CDH18: variants seen among roughly 807,000 people sequenced by gnomAD.
CDH18 encodes cadherin 18, also known as cadherin-18.
Under a neutral mutation model 67.9 loss-of-function variants are expected in CDH18, and 31 were observed. The observed-to-expected ratio is 0.46, with a 90% CI of 0.34 to 0.62. The LOEUF is 0.62. CDH18 is among the 20% of genes least tolerant of loss of function. The pLI is 0.01. For synonymous variants in CDH18, 362 were observed against 347.2 expected, an observed-to-expected ratio of 1.04 and a Z score of -0.48; for missense variants, 890 against 975.5, an observed-to-expected ratio of 0.91 and a Z score of 1.17.
intron 2 of CDH18, among the ~76,000 whole-genome samples, chr5:20,067,752 G>A (rs1287524271): frequency 3.9e-5 from 6 of 151,992 alleles, no homozygotes; most frequent in Non-Finnish European, 8.8e-5. Flanking sequence ...GCTCACTAAC[G>A]ATGAACATTC....
chr5:19,602,595 T>C (rs955441796), intron 6 of CDH18, among the ~76,000 whole-genome samples: 6 of 151,794 alleles, frequency 4.0e-5, no homozygotes, highest in Non-Finnish European at 7.4e-5. Flanking sequence ...GTGGAGAAAT[T>C]AGAACTCTTG....
chr5:20,259,771 T>C (rs184889593), intron 1 of CDH18, among the ~76,000 whole-genome samples: 1 of 152,212 alleles, frequency 6.6e-6, no homozygotes, highest in East Asian at 1.9e-4. Flanking sequence ...AGCCCCTGTG[T>C]TGTTCAAGAG....
chr5:20,513,713 TA>T (rs1308681857), intron 1 of CDH18, among the ~76,000 whole-genome samples: 1 of 152,162 alleles, frequency 6.6e-6, no homozygotes. Flanking sequence ...AATGTCAAAA[TA>T]AACATTCATT....
intron 6 of CDH18, among the ~76,000 whole-genome samples, chr5:19,604,995 G>A (rs1040981936): frequency 1.3e-5 from 2 of 151,808 alleles, no homozygotes; most frequent in African/African-American, 4.8e-5. Flanking sequence ...TTGAAGGTGT[G>A]CAAATTGATT....
Position 19,624,018 on chromosome 5 carries a change from T to TATC in CDH18, c.644-11418_644-11417insGAT, listed in dbSNP as rs998373414. Among the ~76,000 whole-genome samples the TATC allele has an allele frequency of 1.6e-4, 23 of 148,356 alleles. No homozygotes were observed. The East Asian group carries it at 3.3e-3, about 21-fold the overall frequency. ...TTATTATTATTATTATTATTATTAT[T>TATC]ATTATTGAGATGGAGTTTCACTCTT... On this transcript the variant is annotated intron_variant, in intron 5 of 12. Transcript: ENST00000382275.
chr5:20,566,526 A>ATTTTTTTT (rs33950954), intron 1 of CDH18, among the ~76,000 whole-genome samples: 455 of 96,988 alleles, frequency 4.7e-3, no homozygotes, highest in Non-Finnish European at 5.8e-3. Context: ...TGCCCAGCTA[A>ATTTTTTTT]TTTTTTTTTT....
intron 2 of CDH18, among the ~76,000 whole-genome samples, chr5:19,893,668 G>A (rs1034025269): frequency 6.6e-6 from 1 of 152,054 alleles, no homozygotes; most frequent in Non-Finnish European, 1.5e-5. Context: ...AACTGTAGGG[G>A]AACTTCAGTC....
chr5:19,473,229 AGTT>A lies in CDH18; in HGVS notation c.2367_2369del (p.Thr790del), dbSNP rs1286984766. ...CAAGGTTGCAAGAACTGACCCCCTA[AGTT>A]GTTCTTTCAGATTCTATTTCTCCAT... On this transcript the variant is annotated inframe_deletion, in exon 13 of 13. Transcript: ENST00000382275. 6.2e-7 allele frequency: 1 copy of A among 1,612,398 alleles called. No individual in the cohort carries two copies. The highest frequency in any genetic ancestry group is 1.3e-5 in the African/African-American group (1 of 74,730).
intron 5 of CDH18, among the ~76,000 whole-genome samples, chr5:19,635,982 T>C (rs900472608): frequency 1.3e-5 from 2 of 152,082 alleles, no homozygotes. Flanking sequence ...TAAAGAAAAA[T>C]TTCGTCTTAG....
intron 1 of CDH18, among the ~76,000 whole-genome samples, chr5:19,986,957 C>A (rs963116598): frequency 2.0e-5 from 3 of 152,098 alleles, no homozygotes; most frequent in African/African-American, 7.2e-5. Context: ...ACAGTCAGAG[C>A]CTGTAGTTAG....
chr5:20,048,711 G>T (rs2150485955), intron 2 of CDH18, among the ~76,000 whole-genome samples: 1 of 151,566 alleles, frequency 6.6e-6, no homozygotes, highest in African/African-American at 2.4e-5. Context: ...CAAACTTCCA[G>T]TCCCTATTCT....
At chr5:19,763,380 A>G (rs759620647) in intron 3 of CDH18, among the ~76,000 whole-genome samples, 106 of 152,234 alleles carry the variant, frequency 7.0e-4, no homozygotes, top group Non-Finnish European at 2.1e-4. Flanking sequence ...AAGGCTTCTC[A>G]AAGAGTAGAT....
At chr5:20,231,381 G>C (rs902756958) in intron 2 of CDH18, among the ~76,000 whole-genome samples, 1 of 151,990 alleles carries the variant, frequency 6.6e-6, no homozygotes, top group East Asian at 1.9e-4. Context: ...AGGCTGAGGA[G>C]GGCAGATCAC....
chr5:19,746,797 C>G, intron 4 of CDH18, 145 bp downstream of exon 4: 1 of 670,360 alleles, frequency 1.5e-6, no homozygotes, highest in Non-Finnish European at 2.5e-6. Context: ...ACACTTTATG[C>G]CACAAAAAAT....
chr5:19,531,638 C>CAA (rs1748638026), intron 9 of CDH18, among the ~76,000 whole-genome samples: 1 of 146,796 alleles, frequency 6.8e-6, no homozygotes, highest in Non-Finnish European at 1.5e-5. Context: ...CACACACACA[C>CAA]AAACAAAATT....
At chr5:20,025,678 C>A (rs1738833240) in intron 2 of CDH18, among the ~76,000 whole-genome samples, 1 of 152,184 alleles carries the variant, frequency 6.6e-6, no homozygotes, top group African/African-American at 2.4e-5. Flanking sequence ...TAACATCTGG[C>A]AAAAGCCCAG....
At chr5:19,791,297 G>A (rs1165332696) in intron 3 of CDH18, among the ~76,000 whole-genome samples, 3 of 148,806 alleles carry the variant, frequency 2.0e-5, no homozygotes, top group Non-Finnish European at 4.4e-5. Context: ...AGGTACTCAC[G>A]GAACACAGAT....
intron 1 of CDH18, among the ~76,000 whole-genome samples, chr5:20,277,539 TAAG>T (rs998082602): frequency 4.6e-5 from 7 of 152,032 alleles, no homozygotes; most frequent in African/African-American, 1.4e-4. Context: ...AAAGCCTTTC[TAAG>T]AAGAATGAGT....
chr5:20,504,775 T>C (rs1393435300), intron 1 of CDH18, among the ~76,000 whole-genome samples: 1 of 143,554 alleles, frequency 7.0e-6, no homozygotes, highest in African/African-American at 2.6e-5. Context: ...TTTTTTTTTT[T>C]TTTTTTTTTT....
Sources: gnomAD v4.1 joint callset for allele counts (sites outside exome capture counted in the v4.1 genomes callset) on GRCh38, gnomAD v4.1.1 for gene constraint, MANE v1.5 for transcripts, NCBI Gene and HGNC (gene_info 2026-07-23, HGNC 2026-07-21) for gene names.